Variants in INS observed in about 807,000 individuals in gnomAD.
INS encodes the protein insulin.
Under a neutral mutation model 10.5 loss-of-function variants are expected in INS, and 6 were observed. The ratio of observed to expected loss-of-function variants is 0.57; its 90% CI spans 0.31 to 1.13. The LOEUF is 1.13. Among genes scored for constraint, INS ranks in the 50% most tolerant of loss-of-function variants. The pLI is 0.05. For missense variants in INS, 109 were observed against 138.6 expected (o/e 0.79, Z 1.07); for synonymous variants, 71 against 62.7 (o/e 1.13, Z -0.63).
chr11:2,160,533 G>C (rs1394740882), intron 2 of INS, among the ~76,000 whole-genome samples: 1 of 152,152 alleles, frequency 6.6e-6, no homozygotes, highest in Admixed American at 6.5e-5. Context: ...CGAGTGGAGG[G>C]AGGAGCGTGC....
intron 1 of INS, 69 bp from the exon 2 acceptor site, chr11:2,161,057 C>T: frequency 4.6e-6 from 7 of 1,530,238 alleles, no homozygotes; most frequent in Non-Finnish European, 6.2e-6. Flanking sequence ...TGGGCTCACC[C>T]CCACATGCTT....
chr11:2,160,117 C>T, intron 2 of INS, 120 bp from the exon 3 acceptor site: 1 of 1,080,866 alleles, frequency 9.3e-7, no homozygotes, highest in Non-Finnish European at 1.4e-6. Flanking sequence ...CGCACTCCCA[C>T]CCATCTCCAG....
chr11:2,160,538 G>C (rs1428914698), intron 2 of INS, among the ~76,000 whole-genome samples: 1 of 152,122 alleles, frequency 6.6e-6, no homozygotes. Flanking sequence ...GGAGGGAGGA[G>C]CGTGCCCACC....
intron 2 of INS, 135 bp from the exon 3 acceptor site, chr11:2,160,132 G>A: frequency 1.0e-6 from 1 of 954,878 alleles, no homozygotes; most frequent in Non-Finnish European, 1.6e-6. Context: ...CTCCAGCCGG[G>A]CTGGACCCAG....
intron 2 of INS, 94 bp from the exon 3 acceptor site, chr11:2,160,091 C>T: frequency 3.7e-6 from 5 of 1,349,102 alleles, no homozygotes; most frequent in South Asian, 2.5e-5. Flanking sequence ...TGCCCGCCTG[C>T]CCGCCAGCCC....
chr11:2,161,040 G>T (rs972359253), intron 1 of INS, 52 bp from the exon 2 acceptor site: 1 of 1,568,554 alleles, frequency 6.4e-7, no homozygotes, highest in Admixed American at 1.8e-5. Context: ...CCCTGCCTTG[G>T]GGCCCCTGGG....
In INS at chr11:2,160,696, C is replaced by T. The variant is rs13306442; in HGVS notation, c.187+89G>A. ...CTGACCCCCTGCTGGGTGGCAGCCTCCTGCCCCCTTCTGCCCATGCTGGGT... is the reference window on the plus strand; with the variant it reads ...CTGACCCCCTGCTGGGTGGCAGCCTTCTGCCCCCTTCTGCCCATGCTGGGT... On this transcript the variant is annotated intron_variant, in intron 2 of 2. Coordinates refer to ENST00000381330, the MANE Select transcript of INS (RefSeq NM_000207.3). The T allele has an allele frequency of 2.6e-4, 400 of 1,543,342 alleles. 3 individuals are homozygous for T. The East Asian group carries it at 9.0e-3, about 35-fold the overall frequency.
chr11:2,161,070 C>A, intron 1 of INS, 82 bp from the exon 2 acceptor site: 1 of 1,484,642 alleles, frequency 6.7e-7, no homozygotes, highest in Middle Eastern at 2.4e-4. Context: ...ACATGCTTCA[C>A]GAGCCCAGCC....
Position 2,159,798 on chromosome 11 carries a change from T to A in INS, c.*54A>T, listed in dbSNP as rs1313670602. The A allele has an allele frequency of 6.3e-7, 1 of 1,590,544 alleles. No individual in the cohort carries two copies. Among genetic ancestry groups the A allele is most frequent in the Non-Finnish European group, 8.6e-7 (1 of 1,166,544 alleles). ...AGCAGGGCTGGTTCAAGGGCTTTATTCCATCTCTCTCGGTGCAGGAGGCGG... is the reference window on the plus strand; with the variant it reads ...AGCAGGGCTGGTTCAAGGGCTTTATACCATCTCTCTCGGTGCAGGAGGCGG... On this transcript the variant is annotated 3_prime_UTR_variant, in exon 3 of 3. Transcript: ENST00000381330.
chr11:2,159,945 C>T lies in INS; in HGVS notation c.240G>A (p.Leu80=). Residue 80 remains leucine (L), a synonymous_variant, in exon 3 of 3, where the codon TTG becomes TTA. Coordinates refer to ENST00000381330, the MANE Select transcript of INS (RefSeq NM_000207.3). ...GCTTCTGCAGGGACCCCTCCAGGGC[C>T]AAGGGCTGCAGGCTGCCTGCACCAG... ...GGPGAGSLQP[L]ALEGSLQKRG... The T allele has an allele frequency of 6.3e-7, 1 of 1,596,580 alleles. No homozygotes were observed. Among genetic ancestry groups the T allele is most frequent in the Non-Finnish European group, 8.5e-7 (1 of 1,173,170 alleles).
rs530434985 is a variant in INS, at chr11:2,159,930, G to T, written c.255C>A (p.Ser85=). 2 of 1,600,490 alleles carry T rather than the reference G, an allele frequency of 1.2e-6. No individual in the cohort carries two copies. The highest frequency in any genetic ancestry group is 1.7e-6 in the Non-Finnish European group (2 of 1,174,936). Residue 85 remains serine, a synonymous_variant, in exon 3 of 3, where the codon TCC becomes TCA. Transcript: ENST00000381330. ...GSLQPLALEG[S]LQKRGIVEQC... is the part of the protein sequence containing the mutation. ...GTTCCACAATGCCACGCTTCTGCAG[G>T]GACCCCTCCAGGGCCAAGGGCTGCA...
intron 1 of INS, 32 bp downstream of exon 1, chr11:2,161,136 G>T: frequency 1.1e-6 from 1 of 949,550 alleles, no homozygotes; most frequent in Non-Finnish European, 1.5e-6. Context: ...GGAATCCTGA[G>T]CCCACCTGAC....
At chr11:2,160,269 C>T (rs1845855283) in intron 2 of INS, among the ~76,000 whole-genome samples, 1 of 152,170 alleles carries the variant, frequency 6.6e-6, no homozygotes, top group Non-Finnish European at 1.5e-5. Flanking sequence ...CAGTACTTCT[C>T]CCCAGGGCCT....
At chr11:2,161,013 AG>A in intron 1 of INS, 25 bp from the exon 2 acceptor site, 1 of 1,604,118 alleles carries the variant, frequency 6.2e-7, no homozygotes, top group Non-Finnish European at 8.5e-7. Flanking sequence ...GGGCTGAGGC[AG>A]GCTGAAGGCC....
At chr11:2,160,633 G>T in intron 2 of INS, 152 bp downstream of exon 2, 1 of 930,348 alleles carries the variant, frequency 1.1e-6, no homozygotes, top group Non-Finnish European at 1.6e-6. Context: ...GTCACTTTTA[G>T]GACGTGACCA....
intron 2 of INS, 111 bp downstream of exon 2, chr11:2,160,674 A>C (rs1354942602): frequency 7.4e-7 from 1 of 1,342,554 alleles, no homozygotes; most frequent in Non-Finnish European, 1.0e-6. Context: ...AGTGCACCTG[A>C]CCCCCTGCTG....
At position 2,159,825 on chromosome 11, in the gene INS, G is replaced by A. The variant is rs199866212; in HGVS notation, c.*27C>T. The A allele has an allele frequency of 1.7e-5, 28 of 1,608,612 alleles. No individual in the cohort carries two copies. The highest frequency in any genetic ancestry group is 1.3e-4 in the Admixed American group (8 of 59,592). ...CATCTCTCTCGGTGCAGGAGGCGGCGGGTGTGGGGCTGCCTGCGGGCTGCG... is the reference window on the plus strand; with the variant it reads ...CATCTCTCTCGGTGCAGGAGGCGGCAGGTGTGGGGCTGCCTGCGGGCTGCG... On this transcript the variant is annotated 3_prime_UTR_variant, in exon 3 of 3. Coordinates refer to ENST00000381330, the MANE Select transcript of INS (RefSeq NM_000207.3).
rs374469292 is a variant in INS, at chr11:2,160,782, C to T, written c.187+3G>A. ...CAGGGGCAGCAATGGGCAGTTGGCTCACCCTGCAGGTCCTCTGCCTCCCGG... is the reference window on the plus strand; with the variant it reads ...CAGGGGCAGCAATGGGCAGTTGGCTTACCCTGCAGGTCCTCTGCCTCCCGG... On this transcript the variant is annotated splice_donor_region_variant and intron_variant, in intron 2 of 2. Coordinates refer to ENST00000381330, the MANE Select transcript of INS (RefSeq NM_000207.3). 62 of 1,611,450 alleles carry T rather than the reference C, an allele frequency of 3.8e-5. No individual in the cohort carries two copies. Among genetic ancestry groups the T allele is most frequent in the Admixed American group, 6.7e-5 (4 of 59,970 alleles).
In INS at chr11:2,160,014, C is replaced by T. The variant is rs370792256; in HGVS notation, c.188-17G>A. ...CCTGCCCCACTGCCAGGACGTGCCG[C>T]GCAGAGCAGGTTCCGGAACAGCGGC... is the stretch of plus-strand genomic sequence containing the variant. On this transcript the variant is annotated splice_polypyrimidine_tract_variant and intron_variant, in intron 2 of 2. Coordinates refer to ENST00000381330, the MANE Select transcript of INS (RefSeq NM_000207.3). 6.2e-5 allele frequency: 98 copies of T among 1,571,756 alleles called. No homozygotes were observed. The highest frequency in any genetic ancestry group is 2.7e-4 in the African/African-American group (20 of 74,594).
Sources: gnomAD v4.1 joint callset for allele counts (sites outside exome capture counted in the v4.1 genomes callset) on GRCh38, gnomAD v4.1.1 for gene constraint, MANE v1.5 for transcripts, NCBI Gene and HGNC (gene_info 2026-07-23, HGNC 2026-07-21) for gene names.